Variants in ADAMTSL1 observed in about 807,000 individuals in gnomAD.
The protein encoded by ADAMTSL1 is ADAMTS-like protein 1.
Under a neutral mutation model 201.8 loss-of-function variants are expected in ADAMTSL1, and 126 were observed. That is an observed-to-expected ratio of 0.62 (90% confidence interval 0.54 to 0.72). The LOEUF is 0.72. Among genes scored for constraint, ADAMTSL1 ranks in the 30% least tolerant of loss-of-function variants. ADAMTSL1 has a pLI of 0.00. For synonymous variants in ADAMTSL1, 1,121 were observed against 903.4 expected (o/e 1.24, Z -4.32); for missense variants, 2,679 against 2,277.8 (o/e 1.18, Z -3.59).
intron 20 of ADAMTSL1, among the ~76,000 whole-genome samples, chr9:18,812,730 G>T (rs1200734272): frequency 6.6e-6 from 1 of 151,926 alleles, no homozygotes; most frequent in African/African-American, 2.4e-5. Context: ...AAGAACTAGG[G>T]GTCTAGCTTC....
intron 1 of ADAMTSL1, among the ~76,000 whole-genome samples, chr9:17,968,712 A>G (rs1818079198): frequency 6.6e-6 from 1 of 152,104 alleles, no homozygotes; most frequent in Admixed American, 6.6e-5. Context: ...TGTGTCATGC[A>G]CTGGCTGGCC....
At chr9:18,575,997 C>A (rs897882791) in intron 4 of ADAMTSL1, among the ~76,000 whole-genome samples, 3 of 152,126 alleles carry the variant, frequency 2.0e-5, no homozygotes, top group African/African-American at 7.2e-5. Flanking sequence ...AGAATCCTAT[C>A]TCAGTTGCTA....
intron 1 of ADAMTSL1, among the ~76,000 whole-genome samples, chr9:18,051,650 C>G (rs1348921593): frequency 6.6e-6 from 1 of 151,628 alleles, no homozygotes; most frequent in Non-Finnish European, 1.5e-5. Context: ...TGGCACATGC[C>G]TATCCAGTTA....
At position 18,753,439 on chromosome 9, in the gene ADAMTSL1, G is replaced by A; in HGVS notation, c.2148G>A (p.Lys716=). 6.2e-7 allele frequency: 1 copy of A among 1,613,530 alleles called. No individual in the cohort carries two copies. The highest frequency in any genetic ancestry group is 8.5e-7 in the Non-Finnish European group (1 of 1,179,786). ...ILADELCRQP[K]PSTVQACNRF... is the part of the protein sequence containing the mutation. ...CTGATGAGCTGTGTCGCCAGCCCAA[G>A]CCCAGCACGGTGCAAGCTTGTAACC... Residue 716 remains lysine (K), a synonymous_variant, in exon 16 of 29, where the codon AAG becomes AAA. Transcript: ENST00000380548.
At chr9:18,615,869 G>T (rs953083725) in intron 4 of ADAMTSL1, among the ~76,000 whole-genome samples, 7 of 152,122 alleles carry the variant, frequency 4.6e-5, no homozygotes, top group Admixed American at 1.3e-4. Flanking sequence ...GAGTGCTGCT[G>T]CTGATTAGTA....
chr9:17,953,858 G>T (rs868568508), intron 1 of ADAMTSL1, among the ~76,000 whole-genome samples: 1 of 152,176 alleles, frequency 6.6e-6, no homozygotes, highest in African/African-American at 2.4e-5. Flanking sequence ...GGACACAGCT[G>T]AGGAGGTTTT....
Position 17,971,606 on chromosome 9 carries a change from T to C in ADAMTSL1, c.87+64684T>C, listed in dbSNP as rs1443067386. 2.0e-5 allele frequency among the ~76,000 whole-genome samples: 3 copies of C among 151,990 alleles called. No homozygotes were observed. The South Asian group carries it at 6.2e-4, about 32-fold the overall frequency. On this transcript the variant is annotated intron_variant, in intron 1 of 29. Coordinates refer to the ADAMTSL1 transcript ENST00000680146. ...CATTTATATGACTTTATGAAGGTAA[T>C]TTTTTCCATGTCAACAGCTGTTATA...
rs528397667 is a variant in ADAMTSL1 at position 18,177,374 on chromosome 9, T to C, written c.207+13393T>C. Among the ~76,000 whole-genome samples the C allele has an allele frequency of 4.6e-5, 7 of 152,330 alleles. 1 individual carries two copies. Among genetic ancestry groups the C allele is most frequent in the African/African-American group, 1.4e-4 (6 of 41,586 alleles). On this transcript the variant is annotated intron_variant, in intron 2 of 29. Transcript: ENST00000680146. ...TGTACCTTAACTTCCTGGCAATTAA[T>C]AATGCATGACACTGATGGAAATGTG...
At chr9:17,984,308 A>T (rs1440470618) in intron 1 of ADAMTSL1, among the ~76,000 whole-genome samples, 1 of 152,136 alleles carries the variant, frequency 6.6e-6, no homozygotes, top group Non-Finnish European at 1.5e-5. Context: ...AGTTTTGTGT[A>T]TCCTTCCCAA....
intron 4 of ADAMTSL1, among the ~76,000 whole-genome samples, chr9:18,592,326 C>T (rs1823976563): frequency 6.6e-6 from 1 of 152,088 alleles, no homozygotes; most frequent in Non-Finnish European, 1.5e-5. Flanking sequence ...CTTGTTGTCG[C>T]ACAGAATAAG....
chr9:18,228,913 A>G (rs1050020932), intron 2 of ADAMTSL1, among the ~76,000 whole-genome samples: 4 of 149,512 alleles, frequency 2.7e-5, no homozygotes, highest in African/African-American at 9.9e-5. Flanking sequence ...TTCTCTTTAG[A>G]TGACAATTTC....
chr9:18,737,118 A>C (rs1367034249), intron 15 of ADAMTSL1, among the ~76,000 whole-genome samples: 1 of 152,144 alleles, frequency 6.6e-6, no homozygotes, highest in East Asian at 1.9e-4. Flanking sequence ...CAGAGGTTTG[A>C]GACCAGCCTG....
chr9:18,253,198 T>A (rs1027428009), intron 2 of ADAMTSL1, among the ~76,000 whole-genome samples: 15 of 152,174 alleles, frequency 9.9e-5, no homozygotes, highest in African/African-American at 3.4e-4. Flanking sequence ...ACCTTACCTA[T>A]GTCTATATAT....
intron 7 of ADAMTSL1, among the ~76,000 whole-genome samples, chr9:18,649,812 C>G (rs890655938): frequency 8.5e-5 from 13 of 152,206 alleles, no homozygotes; most frequent in Non-Finnish European, 1.6e-4. Flanking sequence ...GGGGGTGCCT[C>G]CCAGTTAGGC....
intron 1 of ADAMTSL1, among the ~76,000 whole-genome samples, chr9:17,947,273 T>C (rs1178381175): frequency 1.3e-5 from 2 of 150,544 alleles, no homozygotes; most frequent in Non-Finnish European, 1.5e-5. Context: ...AAATAACTAA[T>C]GTAATGAAAA....
chr9:17,949,920 C>T (rs145873303), intron 1 of ADAMTSL1, among the ~76,000 whole-genome samples: 9 of 152,078 alleles, frequency 5.9e-5, no homozygotes, highest in Admixed American at 1.3e-4. Context: ...ATGCTGTTAC[C>T]GTAGTGCTTT....
chr9:18,099,340 T>C (rs1397326245), intron 1 of ADAMTSL1, among the ~76,000 whole-genome samples: 2 of 46,820 alleles, frequency 4.3e-5, no homozygotes, highest in Non-Finnish European at 9.9e-5. Context: ...TATATATATA[T>C]ATATATATAT....
intron 4 of ADAMTSL1, among the ~76,000 whole-genome samples, chr9:18,585,328 T>A (rs1421622294): frequency 6.6e-6 from 1 of 152,210 alleles, no homozygotes; most frequent in Non-Finnish European, 1.5e-5. Context: ...CAAAAATTGA[T>A]GAGTTTGTTT....
At chr9:18,803,911 A>G (rs181000389) in intron 20 of ADAMTSL1, among the ~76,000 whole-genome samples, 51 of 152,300 alleles carry the variant, frequency 3.3e-4, no homozygotes, top group Admixed American at 7.2e-4. Context: ...AACAAAAACA[A>G]TGTAATAATT....
Sources: gnomAD v4.1 joint callset for allele counts (sites outside exome capture counted in the v4.1 genomes callset) on GRCh38, gnomAD v4.1.1 for gene constraint, MANE v1.5 for transcripts, NCBI Gene and HGNC (gene_info 2026-07-23, HGNC 2026-07-21) for gene names.